The following SNX29 variants were observed in gnomAD, a reference collection of about 807,000 sequenced individuals.
The protein encoded by SNX29 is sorting nexin 29.
In SNX29, 78 loss-of-function variants were observed where a neutral mutation model predicts 102.1. That is an observed-to-expected ratio of 0.76 (90% CI 0.64 to 0.92). The LOEUF is 0.92. SNX29 is among the 40% of genes least tolerant of loss of function. The pLI is 0.00. For missense variants in SNX29, 1,280 were observed against 1,061.7 expected (o/e 1.21, Z -2.86); for synonymous variants, 580 against 414.5 (o/e 1.40, Z -4.85).
intron 15 of SNX29, among the ~76,000 whole-genome samples, chr16:12,307,619 C>G (rs2080380085): frequency 6.6e-6 from 1 of 152,164 alleles, no homozygotes. Context: ...GAGAAGTTGT[C>G]AGCAGTAGAA....
rs2084034189 is a variant in SNX29 at position 12,403,333 on chromosome 16, G to A, written c.1956-115G>A. ...GGTGTGATGTAAGTTGTCATAAATT[G>A]CTTGTGCATAATACCTCTTGGAGTA... On this transcript the variant is annotated intron_variant, in intron 17 of 20. Coordinates refer to ENST00000566228, the MANE Select transcript of SNX29 (RefSeq NM_032167.5). 3.4e-6 allele frequency: 3 copies of A among 878,746 alleles called. No homozygotes were observed. The South Asian group carries it at 4.7e-5, about 14-fold the overall frequency. The allele number at this position is 878,746 out of a possible 1,614,324, so 54.4% of individuals were successfully genotyped here.
chr16:12,216,162 TAAAG>T (rs1567321500), intron 14 of SNX29, among the ~76,000 whole-genome samples: 1 of 152,206 alleles, frequency 6.6e-6, no homozygotes, highest in Admixed American at 6.5e-5. Context: ...TATAGAAAAT[TAAAG>T]AAGATAGACA....
intron 20 of SNX29, among the ~76,000 whole-genome samples, chr16:12,564,188 G>A (rs1417732425): frequency 6.6e-6 from 1 of 151,184 alleles, no homozygotes; most frequent in Non-Finnish European, 1.5e-5. Flanking sequence ...AGGAGTTTGA[G>A]ACCGTCCTGG....
At chr16:12,380,368 C>A (rs1425077520) in intron 16 of SNX29, among the ~76,000 whole-genome samples, 1 of 118,230 alleles carries the variant, frequency 8.5e-6, no homozygotes, top group Non-Finnish European at 1.8e-5. Context: ...TGTCATCCCT[C>A]CACTTATCCA....
rs1210498422 is a variant in SNX29 at position 12,572,435 on chromosome 16, T to A, written c.*3806T>A. 9.4e-7 allele frequency: 1 copy of A among 1,063,354 alleles called. No homozygotes were observed. The allele number at this position is 1,063,354 out of a possible 1,614,324, so 65.9% of individuals were successfully genotyped here. On this transcript the variant is annotated 3_prime_UTR_variant, in exon 21 of 21. Coordinates refer to ENST00000566228, the MANE Select transcript of SNX29 (RefSeq NM_032167.5). ...GTGGCCCAGGCCGGCAGTGGCTGCC[T>A]CTCTTGGTTCTGCATGGTACATTTT...
At position 12,569,039 on chromosome 16, in the gene SNX29, A is replaced by T. The variant is rs528797536; in HGVS notation, c.*410A>T. On this transcript the variant is annotated 3_prime_UTR_variant, in exon 21 of 21. Transcript: ENST00000566228. ...AGAGCCAGCCTCTCCACTCTTTCCC[A>T]CGTGGGGACTAGAATGACTATTAGC... 3.4e-4 allele frequency: 76 copies of T among 225,088 alleles called. No homozygotes were observed. The highest frequency in any genetic ancestry group is 1.7e-3 in the African/African-American group (75 of 42,962). 13.9% of individuals were successfully genotyped at this position (225,088 alleles called of 1,614,324 possible).
intron 5 of SNX29, among the ~76,000 whole-genome samples, chr16:12,043,542 C>T (rs1225226149): frequency 4.0e-5 from 6 of 151,810 alleles, no homozygotes; most frequent in Non-Finnish European, 8.8e-5. Context: ...TTTTTTGTAG[C>T]GATGGGGTCT....
At chr16:12,504,366 G>A (rs1295050268) in intron 19 of SNX29, among the ~76,000 whole-genome samples, 3 of 151,892 alleles carry the variant, frequency 2.0e-5, no homozygotes, top group South Asian at 2.1e-4. Flanking sequence ...TTCATCACCC[G>A]GAAAGAAACT....
rs530839548 is a variant in SNX29 at position 12,408,876 on chromosome 16, G to C, written c.2037+5347G>C. Among the ~76,000 whole-genome samples the C allele has an allele frequency of 2.0e-5, 3 of 152,334 alleles. No individual in the cohort carries two copies. In the South Asian group the frequency reaches 6.2e-4, roughly 32 times the overall value. ...AATTAAGGTAATTCCCCTGCTATGTGCAGTCACAGAGCCCCCACTACTTCT... is the reference window on the plus strand; with the variant it reads ...AATTAAGGTAATTCCCCTGCTATGTCCAGTCACAGAGCCCCCACTACTTCT... On this transcript the variant is annotated intron_variant, in intron 18 of 20. Coordinates refer to ENST00000566228, the MANE Select transcript of SNX29 (RefSeq NM_032167.5).
At chr16:12,099,182 C>T (rs1261711906) in intron 11 of SNX29, among the ~76,000 whole-genome samples, 1 of 152,168 alleles carries the variant, frequency 6.6e-6, no homozygotes, top group Non-Finnish European at 1.5e-5. Context: ...GGACTAATTA[C>T]CTGTCTTTCA....
intron 20 of SNX29, among the ~76,000 whole-genome samples, chr16:12,566,730 TTGCTTTGGGCC>T (rs2079027388): frequency 6.6e-6 from 1 of 152,160 alleles, no homozygotes; most frequent in Non-Finnish European, 1.5e-5. Flanking sequence ...AGGATCATGT[TTGCTTTGGGCC>T]TGCAGCCAGA....
chr16:11,986,532 G>T (rs1021822343), intron 1 of SNX29, among the ~76,000 whole-genome samples: 2 of 152,112 alleles, frequency 1.3e-5, no homozygotes, highest in Admixed American at 6.6e-5. Flanking sequence ...TATGCATTTT[G>T]CATAATTGCA....
At chr16:12,023,734 T>G (rs1305944286) in intron 3 of SNX29, among the ~76,000 whole-genome samples, 1 of 152,178 alleles carries the variant, frequency 6.6e-6, no homozygotes, top group Non-Finnish European at 1.5e-5. Context: ...GTGGAAAGCC[T>G]TAGTGTGACC....
At position 12,573,932 on chromosome 16, in the gene SNX29, G is replaced by T. The variant is rs9452; in HGVS notation, c.*5303G>T. 0.11 allele frequency: 21,900 copies of T among 201,298 alleles called. 1,474 individuals are homozygous for T. Among genetic ancestry groups the T allele is most frequent in the Non-Finnish European group, 0.14 (13,967 of 97,646 alleles). The allele number at this position is 201,298 out of a possible 1,614,324, so 12.5% of individuals were successfully genotyped here. ...CCTGACACCGACTTCTTAGAGAAGC[G>T]AGTCTTTTTTGAATGGAGGAGCGAT... On this transcript the variant is annotated 3_prime_UTR_variant, in exon 21 of 21. Transcript: ENST00000566228.
chr16:12,305,483 C>A (rs1178406313), intron 15 of SNX29, among the ~76,000 whole-genome samples: 1 of 152,136 alleles, frequency 6.6e-6, no homozygotes, highest in African/African-American at 2.4e-5. Flanking sequence ...GCACACTTGA[C>A]CATCTTCAGA....
chr16:12,109,174 T>TA (rs1204954739), intron 11 of SNX29, among the ~76,000 whole-genome samples: 1 of 150,904 alleles, frequency 6.6e-6, no homozygotes, highest in Non-Finnish European at 1.5e-5. Context: ...ATTTATTTCT[T>TA]AGAGTTGTGC....
In SNX29 at chr16:11,984,946, T is replaced by G. The variant is rs2055555224; in HGVS notation, c.7+8133T>G. ...CCAGGATTACAGGTGTGAACCACTG[T>G]ACCTGGCTTTCCTTCTTTCTTTTTT... On this transcript the variant is annotated intron_variant, in intron 1 of 20. Transcript: ENST00000566228. Among the ~76,000 whole-genome samples the G allele has an allele frequency of 2.0e-5, 3 of 152,206 alleles. No homozygotes were observed. In the South Asian group the frequency reaches 6.2e-4, roughly 31 times the overall value.
intron 14 of SNX29, among the ~76,000 whole-genome samples, chr16:12,204,129 C>A (rs762100446): frequency 1.3e-5 from 2 of 152,120 alleles, no homozygotes; most frequent in Non-Finnish European, 2.9e-5. Context: ...GAGGCCATCG[C>A]ACAGAAAGAG....
intron 15 of SNX29, among the ~76,000 whole-genome samples, chr16:12,294,981 A>G (rs1243748947): frequency 3.9e-5 from 6 of 152,214 alleles, no homozygotes; most frequent in Admixed American, 6.5e-5. Flanking sequence ...CACGTCTTAC[A>G]TGGCGTCAGG....
Sources: gnomAD v4.1 joint callset for allele counts (sites outside exome capture counted in the v4.1 genomes callset) on GRCh38, gnomAD v4.1.1 for gene constraint, MANE v1.5 for transcripts, NCBI Gene and HGNC (gene_info 2026-07-23, HGNC 2026-07-21) for gene names.